ARHGAP45: variants seen among roughly 807,000 people sequenced by gnomAD.
ARHGAP45 encodes the protein rho GTPase-activating protein 45.
ARHGAP45 carries 56 observed loss-of-function variants against 116.1 expected under a neutral mutation model. The ratio of observed to expected loss-of-function variants is 0.48; its 90% CI spans 0.39 to 0.60. The LOEUF is 0.60. Ranked by LOEUF, ARHGAP45 falls within the 20% of genes least tolerant of loss-of-function variation. The pLI is 0.00. For missense variants in ARHGAP45, 1,622 were observed against 1,601.0 expected (o/e 1.01, Z -0.22); for synonymous variants, 866 against 701.7 (o/e 1.23, Z -3.70).
At chr19:1,079,628 G>T (rs1236220971) in intron 11 of ARHGAP45, 75 bp from the exon 12 acceptor site, 5 of 1,540,586 alleles carry the variant, frequency 3.2e-6, no homozygotes, top group East Asian at 2.3e-5. Context: ...CGTCAGCCCC[G>T]CCTCCCTGAG....
At position 1,069,895 on chromosome 19, in the gene ARHGAP45, T is replaced by C. The variant is rs1470899824; in HGVS notation, c.421+1151T>C. Among the ~76,000 whole-genome samples, 8 of 151,608 alleles carry C rather than the reference T, an allele frequency of 5.3e-5. No homozygotes were observed. Among genetic ancestry groups the C allele is most frequent in the Non-Finnish European group, 7.4e-5 (5 of 67,882 alleles). On this transcript the variant is annotated intron_variant, in intron 2 of 22. Coordinates refer to ENST00000313093, the MANE Select transcript of ARHGAP45 (RefSeq NM_012292.5). The surrounding 1 kb of genome is among the most constrained non-coding windows in gnomAD (Gnocchi z 4.1). ...CCAGTGGTGTGATTGAGGCTCACTG[T>C]TACCTTGAACTCCTGGGCTCAAGCC...
At position 1,077,728 on chromosome 19, in the gene ARHGAP45, C is replaced by T. The variant is rs573790960; in HGVS notation, c.1186-129C>T. On this transcript the variant is annotated intron_variant, in intron 10 of 22. Transcript: ENST00000313093. Reference sequence around the variant, plus strand: ...GCTGCCGATTGTTGTGCAGGGTCCTCTGCATGCCCAGCTGGGCCATGGGGC... The same window carrying T: ...GCTGCCGATTGTTGTGCAGGGTCCTTTGCATGCCCAGCTGGGCCATGGGGC... The T allele has an allele frequency of 1.9e-4, 292 of 1,523,158 alleles. 1 individual carries two copies. The African/African-American group carries it at 3.6e-3, about 19-fold the overall frequency. 94.4% of individuals were successfully genotyped at this position (1,523,158 alleles called of 1,614,324 possible).
chr19:1,082,712 G>C, intron 19 of ARHGAP45, 128 bp from the exon 20 acceptor site: 1 of 814,820 alleles, frequency 1.2e-6, no homozygotes, highest in South Asian at 2.0e-5. Flanking sequence ...GCCGCTCTGG[G>C]TGGAACCCGA....
chr19:1,082,887 G>A lies in ARHGAP45; in HGVS notation c.2565G>A (p.Gly855=), dbSNP rs2043482976. ...ISFRLYHELV[G]LAKDSLKAEA... ...TCCGCCTCTACCACGAGCTCGTAGGGCTGGCCAAGGACAGCCTGAAGGCAG... is the reference window on the plus strand; with the variant it reads ...TCCGCCTCTACCACGAGCTCGTAGGACTGGCCAAGGACAGCCTGAAGGCAG... The change falls in exon 20 of 23, where the codon GGG becomes GGA. Residue 855 remains glycine (G), a synonymous_variant. Coordinates refer to ENST00000313093, the MANE Select transcript of ARHGAP45 (RefSeq NM_012292.5). The A allele has an allele frequency of 6.3e-7, 1 of 1,585,504 alleles. No homozygotes were observed. Among genetic ancestry groups the A allele is most frequent in the Non-Finnish European group, 8.6e-7 (1 of 1,166,086 alleles).
rs1208424412 is a variant in ARHGAP45 at position 1,084,230 on chromosome 19, A to G, written c.2956-8A>G. On this transcript the variant is annotated splice_polypyrimidine_tract_variant and splice_region_variant and intron_variant, in intron 21 of 22. Transcript: ENST00000313093. ...GGCCCCTCTATGACTTCCGTTCTGC[A>G]CTTGCAGGACGAGTCATCCAACCAG... The G allele has an allele frequency of 5.6e-6, 9 of 1,612,812 alleles. No individual in the cohort carries two copies. The highest frequency in any genetic ancestry group is 7.6e-6 in the Non-Finnish European group (9 of 1,179,272).
intron 22 of ARHGAP45, among the ~76,000 whole-genome samples, 155 bp downstream of exon 22, chr19:1,084,501 CTCAT>C (rs757527961): frequency 6.6e-5 from 10 of 152,332 alleles, no homozygotes; most frequent in East Asian, 1.9e-4. Context: ...CTATGAGCTA[CTCAT>C]TCAGTGTCCT....
chr19:1,074,818 T>C lies in ARHGAP45; in HGVS notation c.1124T>C (p.Leu375Pro), dbSNP rs764355304. 17 of 1,574,740 alleles carry C rather than the reference T, an allele frequency of 1.1e-5. No homozygotes were observed. The highest frequency in any genetic ancestry group is 1.4e-5 in the African/African-American group (1 of 73,556). The part of the protein sequence containing the change: ...TFMQPLTLRR[L>P]EHEKRRKEIK... ...CCCCAGCCCCTGACCCTGCGGCGGC[T>C]TGAACACGAGAAGCGCAGGAAGGAG... is the stretch of plus-strand genomic sequence containing the variant. The change falls in exon 10 of 23, where the codon CTT becomes CCT. Residue 375 changes from leucine (L) to proline (P), a missense_variant. Leu to Pro is a moderately conservative substitution (Grantham distance 98). This residue lies in a region of ARHGAP45 where 1,334 missense variants were observed against 1,263.8 expected (regional missense o/e 1.06). Coordinates refer to ENST00000313093, the MANE Select transcript of ARHGAP45 (RefSeq NM_012292.5).
In ARHGAP45 at chr19:1,083,057, A is replaced by G; in HGVS notation, c.2735A>G (p.His912Arg). The G allele has an allele frequency of 1.3e-6, 2 of 1,548,712 alleles. No homozygotes were observed. Residue 912 changes from histidine (H) to arginine (R), a missense_variant, in exon 20 of 23, where the codon CAC becomes CGC. This residue lies in a region of ARHGAP45 where 1,334 missense variants were observed against 1,263.8 expected (regional missense o/e 1.06). Coordinates refer to ENST00000313093, the MANE Select transcript of ARHGAP45 (RefSeq NM_012292.5). ...NRASLQYLLR[H>R]LRRIVEVEQD... ...GCCTCGCTGCAGTACCTGCTGCGTC[A>G]CCTACGCAGGTGAGTCCCGGCATAT...
chr19:1,077,762 G>C, intron 10 of ARHGAP45, 95 bp from the exon 11 acceptor site: 2 of 1,541,212 alleles, frequency 1.3e-6, no homozygotes, highest in Non-Finnish European at 1.8e-6. Context: ...GCCTTGCTGA[G>C]AGAGATGGGG....
chr19:1,084,370 G>A, intron 22 of ARHGAP45, 24 bp downstream of exon 22: 1 of 1,576,838 alleles, frequency 6.3e-7, no homozygotes, highest in Non-Finnish European at 8.6e-7. Flanking sequence ...TGCCCGAACG[G>A]CCCCAAGGGA....
chr19:1,080,168 A>G, intron 13 of ARHGAP45, 50 bp downstream of exon 13: 1 of 1,610,004 alleles, frequency 6.2e-7, no homozygotes. Flanking sequence ...CCTGCCTGGG[A>G]GCCGGGCTTC....
Position 1,067,234 on chromosome 19 carries a change from G to C in ARHGAP45, c.-172G>C. ...GAGGCCGCGTCGCCGCCTCCCCGAA[G>C]CCTTTTCCTGTTGGGGGGAGGGCCC... On this transcript the variant is annotated 5_prime_UTR_variant, in exon 1 of 23. Coordinates refer to ENST00000313093, the MANE Select transcript of ARHGAP45 (RefSeq NM_012292.5). 1 of 1,342,112 alleles carries C rather than the reference G, an allele frequency of 7.5e-7. No homozygotes were observed. Among genetic ancestry groups the C allele is most frequent in the Non-Finnish European group, 9.5e-7 (1 of 1,054,006 alleles). 83.1% of individuals were successfully genotyped at this position (1,342,112 alleles called of 1,614,324 possible).
chr19:1,073,099 T>C, intron 2 of ARHGAP45, 50 bp from the exon 3 acceptor site: 2 of 1,551,110 alleles, frequency 1.3e-6, no homozygotes, highest in Non-Finnish European at 1.7e-6. Flanking sequence ...GGACAGACTT[T>C]CCCTGGGACT....
At chr19:1,085,435 C>T (rs1286595002) in intron 22 of ARHGAP45, among the ~76,000 whole-genome samples, 1 of 151,886 alleles carries the variant, frequency 6.6e-6, no homozygotes, top group Non-Finnish European at 1.5e-5. Flanking sequence ...CTCTCTCCTT[C>T]CGTTTCTCCC....
intron 11 of ARHGAP45, among the ~76,000 whole-genome samples, chr19:1,079,473 C>T (rs1472719337): frequency 1.4e-5 from 2 of 146,756 alleles, no homozygotes; most frequent in Admixed American, 7.0e-5. Flanking sequence ...CACTGCACTC[C>T]AGCCTGGCCT....
chr19:1,078,408 G>T (rs1316277793), intron 11 of ARHGAP45, among the ~76,000 whole-genome samples: 1 of 151,560 alleles, frequency 6.6e-6, no homozygotes, highest in African/African-American at 2.4e-5. Context: ...CTCCCAAAGT[G>T]CTGGGATTAT....
Position 1,083,050 on chromosome 19 carries a change from C to G in ARHGAP45, c.2728C>G (p.Leu910Val). ...GAACCGGGCCTCGCTGCAGTACCTG[C>G]TGCGTCACCTACGCAGGTGAGTCCC... ...PENRASLQYLLRHLRRIVEVE... is the reference protein window; with the variant it reads ...PENRASLQYLVRHLRRIVEVE... The change falls in exon 20 of 23, where the codon CTG (leucine) becomes GTG (valine). Residue 910 changes from leucine to valine, a missense_variant. Coordinates refer to ENST00000313093, the MANE Select transcript of ARHGAP45 (RefSeq NM_012292.5). 6.5e-7 allele frequency: 1 copy of G among 1,547,376 alleles called. No individual in the cohort carries two copies. The highest frequency in any genetic ancestry group is 8.7e-7 in the Non-Finnish European group (1 of 1,151,148).
chr19:1,083,062 C>G lies in ARHGAP45; in HGVS notation c.2740C>G (p.Arg914Gly), dbSNP rs1382434592. 6.4e-7 allele frequency: 1 copy of G among 1,550,440 alleles called. No homozygotes were observed. The highest frequency in any genetic ancestry group is 1.9e-5 in the Admixed American group (1 of 52,950). Reference protein sequence around the residue: ...ASLQYLLRHLRRIVEVEQDNK... With the variant: ...ASLQYLLRHLGRIVEVEQDNK... Reference sequence around the variant, plus strand: ...GCTGCAGTACCTGCTGCGTCACCTACGCAGGTGAGTCCCGGCATATGGAGT... The same window carrying G: ...GCTGCAGTACCTGCTGCGTCACCTAGGCAGGTGAGTCCCGGCATATGGAGT... Residue 914 changes from arginine (R) to glycine (G), a missense_variant, in exon 20 of 23, where the codon CGC becomes GGC. Transcript: ENST00000313093.
At chr19:1,078,311 T>C (rs1398470442) in intron 11 of ARHGAP45, among the ~76,000 whole-genome samples, 1 of 145,158 alleles carries the variant, frequency 6.9e-6, no homozygotes. Context: ...GCCTGGCTAA[T>C]TTTTTGTATT....
Sources: allele counts gnomAD v4.1 joint callset (sites outside exome capture counted in the v4.1 genomes callset), GRCh38; gene constraint gnomAD v4.1.1; regional missense constraint gnomAD v4.1.1; non-coding constraint Gnocchi (gnomAD v3.1); transcripts MANE v1.5; gene names NCBI Gene and HGNC (gene_info 2026-07-23, HGNC 2026-07-21).